Variants in FARP1 observed in about 807,000 individuals in gnomAD.
FARP1 encodes FERM, ARH/RhoGEF and pleckstrin domain protein 1.
FARP1 carries 52 observed loss-of-function variants against 128.8 expected under a neutral mutation model. That is an observed-to-expected ratio of 0.40 (90% CI 0.32 to 0.51). FARP1 has a LOEUF of 0.51. Ranked by LOEUF, FARP1 falls within the 20% of genes least tolerant of loss-of-function variation. The pLI, the probability that FARP1 is intolerant of heterozygous loss-of-function variation, is 0.45. For missense variants in FARP1, 1,333 were observed against 1,367.9 expected (o/e 0.97, Z 0.40); for synonymous variants, 580 against 551.8 (o/e 1.05, Z -0.72).
chr13:98,325,742 T>G (rs568116420), intron 2 of FARP1, among the ~76,000 whole-genome samples: 2 of 152,350 alleles, frequency 1.3e-5, no homozygotes, highest in African/African-American at 4.8e-5. Flanking sequence ...CTTGTCCAGT[T>G]TGATCTGCAT....
chr13:98,335,492 G>A (rs1454400307), intron 2 of FARP1, among the ~76,000 whole-genome samples: 2 of 152,124 alleles, frequency 1.3e-5, no homozygotes, highest in East Asian at 3.9e-4. Context: ...CTCCTACAGG[G>A]TTCCTCCCAC....
intron 13 of FARP1, among the ~76,000 whole-genome samples, chr13:98,408,322 C>CTTTTTTTTTT (rs34532263): frequency 1.1e-5 from 1 of 90,144 alleles, no homozygotes; most frequent in Non-Finnish European, 2.1e-5. Context: ...GTAATATATA[C>CTTTTTTTTTT]TTTTTTTTTT....
chr13:98,188,325 G>T (rs1312739169), intron 1 of FARP1, among the ~76,000 whole-genome samples: 1 of 152,088 alleles, frequency 6.6e-6, no homozygotes, highest in Admixed American at 6.5e-5. Flanking sequence ...AGGCCGAGGC[G>T]GGCGGATCAC....
intron 6 of FARP1, chr13:98,382,222 T>G (rs1213672170): frequency 1.3e-5 from 2 of 152,240 alleles, no homozygotes; most frequent in Admixed American, 6.5e-5. Flanking sequence ...CGAGACCCTG[T>G]CTTGGAAAAA....
At chr13:98,258,901 T>G (rs1883739583) in intron 2 of FARP1, among the ~76,000 whole-genome samples, 1 of 152,178 alleles carries the variant, frequency 6.6e-6, no homozygotes, top group African/African-American at 2.4e-5. Flanking sequence ...GCTCTTGATT[T>G]CAGATTTACC....
At position 98,185,413 on chromosome 13, in the gene FARP1, G is replaced by A. The variant is rs560247342; in HGVS notation, c.-23-27807G>A. On this transcript the variant is annotated intron_variant, in intron 1 of 26. Coordinates refer to ENST00000319562, the MANE Select transcript of FARP1 (RefSeq NM_005766.4). ...GCTCTCTATGGTTGGTTCAGGTGTC[G>A]TTTTGTCCTAGATCTTTATGTTGGG... 1.2e-4 allele frequency among the ~76,000 whole-genome samples: 18 copies of A among 152,232 alleles called. No homozygotes were observed. The East Asian group carries it at 2.7e-3, about 23-fold the overall frequency.
intron 5 of FARP1, among the ~76,000 whole-genome samples, chr13:98,376,913 G>A (rs1566932201): frequency 6.6e-6 from 1 of 151,976 alleles, no homozygotes; most frequent in South Asian, 2.1e-4. Flanking sequence ...TCATAAGCCT[G>A]TTTGCTGTTG....
intron 16 of FARP1, among the ~76,000 whole-genome samples, chr13:98,423,216 T>C (rs1002397339): frequency 5.9e-5 from 9 of 152,164 alleles, no homozygotes; most frequent in African/African-American, 2.2e-4. Flanking sequence ...CTGACTCAAA[T>C]GCTAATCTCT....
intron 2 of FARP1, among the ~76,000 whole-genome samples, chr13:98,302,456 C>T (rs1431012154): frequency 2.6e-5 from 4 of 152,162 alleles, no homozygotes; most frequent in African/African-American, 9.7e-5. Flanking sequence ...GCTGCTTCTC[C>T]CTGTCCGGGG....
intron 3 of FARP1, among the ~76,000 whole-genome samples, chr13:98,351,590 C>T (rs576691784): frequency 1.5e-5 from 2 of 130,202 alleles, no homozygotes; most frequent in Admixed American, 1.7e-4. Context: ...CCAGCCTGGG[C>T]AACAAAGCAA....
intron 2 of FARP1, among the ~76,000 whole-genome samples, chr13:98,308,173 G>A (rs1218823591): frequency 6.6e-6 from 1 of 151,484 alleles, no homozygotes; most frequent in Non-Finnish European, 1.5e-5. Flanking sequence ...AATATAGCAC[G>A]TATCACATTT....
Position 98,213,356 on chromosome 13 carries a change from A to G in FARP1, c.114A>G (p.Lys38=). The change falls in exon 2 of 27, where the codon AAA becomes AAG. Residue 38 remains lysine (K), a synonymous_variant. Transcript: ENST00000319562. The part of the protein sequence containing the change: ...GQKPPPTPSG[K]LVSIKIQMLD... ...AGCCGCCCCCAACACCTTCAGGAAA[A>G]CTCGTGTCCATCAAAATCCAGATGC... The G allele has an allele frequency of 6.2e-7, 1 of 1,614,002 alleles. No homozygotes were observed. Among genetic ancestry groups the G allele is most frequent in the Non-Finnish European group, 8.5e-7 (1 of 1,179,972 alleles).
chr13:98,277,676 C>G (rs372068060), intron 2 of FARP1, among the ~76,000 whole-genome samples: 1 of 152,136 alleles, frequency 6.6e-6, no homozygotes. Context: ...TTAGAGTCAG[C>G]CGAGTGAGTC....
rs1460160263 is a variant in FARP1, at chr13:98,452,458, G to C, written c.*4141G>C. On this transcript the variant is annotated 3_prime_UTR_variant, in exon 27 of 27. Coordinates refer to ENST00000319562, the MANE Select transcript of FARP1 (RefSeq NM_005766.4). ...TCTAGGTGTACCAAAAGGGGCGTAG[G>C]GCAAACGGGGAAAATTTGCATTTGT... 6.6e-6 allele frequency: 1 copy of C among 152,576 alleles called. No individual in the cohort carries two copies. Among genetic ancestry groups the C allele is most frequent in the Non-Finnish European group, 1.5e-5 (1 of 68,042 alleles). The allele number at this position is 152,576 out of a possible 1,614,324, so 9.5% of individuals were successfully genotyped here. A position where few individuals can be genotyped will look rare whatever the true frequency, so the allele number is the denominator to read the frequency against.
Position 98,356,537 on chromosome 13 carries a change from GTTA to G in FARP1, c.277-8854_277-8852del, listed in dbSNP as rs370208347. Among the ~76,000 whole-genome samples, 44 of 152,078 alleles carry G rather than the reference GTTA, an allele frequency of 2.9e-4. No individual in the cohort carries two copies. In the East Asian group the frequency reaches 6.6e-3, roughly 23 times the overall value. ...TTTCCTAATCATGTATTTTAAAATT[GTTA>G]TTAAGTGTATAAATATTTAAGATTG... On this transcript the variant is annotated intron_variant, in intron 3 of 26. Coordinates refer to ENST00000319562, the MANE Select transcript of FARP1 (RefSeq NM_005766.4).
At chr13:98,413,449 C>T (rs1265755181) in intron 16 of FARP1, among the ~76,000 whole-genome samples, 1 of 152,166 alleles carries the variant, frequency 6.6e-6, no homozygotes, top group East Asian at 1.9e-4. Context: ...CACTTGAGGC[C>T]AGGAGTTCGA....
At chr13:98,429,380 C>T (rs1165766457) in intron 17 of FARP1, among the ~76,000 whole-genome samples, 2 of 152,122 alleles carry the variant, frequency 1.3e-5, no homozygotes, top group African/African-American at 4.8e-5. Flanking sequence ...TCAGAGGGAT[C>T]CCGGCTTAAG....
rs1478639381 is a variant in FARP1 at position 98,373,005 on chromosome 13, A to G, written c.398+4810A>G. Among the ~76,000 whole-genome samples the G allele has an allele frequency of 2.0e-5, 3 of 152,212 alleles. No homozygotes were observed. The East Asian group carries it at 5.8e-4, about 29-fold the overall frequency. On this transcript the variant is annotated intron_variant, in intron 5 of 26. Coordinates refer to ENST00000319562, the MANE Select transcript of FARP1 (RefSeq NM_005766.4). Reference sequence around the variant, plus strand: ...GGCCAGCATGCTCAGCTTACAGCTCATGGTAAGAAAAGTGGACAGAGTTAG... The same window carrying G: ...GGCCAGCATGCTCAGCTTACAGCTCGTGGTAAGAAAAGTGGACAGAGTTAG...
At chr13:98,304,451 C>T (rs1279613640) in intron 2 of FARP1, among the ~76,000 whole-genome samples, 1 of 152,194 alleles carries the variant, frequency 6.6e-6, no homozygotes, top group Non-Finnish European at 1.5e-5. Context: ...GACATGTACT[C>T]CTTGGGGTGT....
Sources: allele counts gnomAD v4.1 joint callset (sites outside exome capture counted in the v4.1 genomes callset), GRCh38; gene constraint gnomAD v4.1.1; transcripts MANE v1.5; gene names NCBI Gene and HGNC (gene_info 2026-07-23, HGNC 2026-07-21).